The following RNASEH2B variants were observed in gnomAD, a reference collection of about 807,000 sequenced individuals.
RNASEH2B encodes ribonuclease H2 subunit B, also known as Aicardi-Goutieres syndrome 2 protein.
Under a neutral mutation model 45.0 loss-of-function variants are expected in RNASEH2B, and 36 were observed. That is an observed-to-expected ratio of 0.80 (90% confidence interval 0.61 to 1.06). RNASEH2B has a LOEUF of 1.06. Among genes scored for constraint, RNASEH2B ranks in the 50% least tolerant of loss-of-function variants. The pLI is 0.00. For missense variants in RNASEH2B, 361 were observed against 360.3 expected (o/e 1.00, Z -0.02); for synonymous variants, 119 against 125.7 (o/e 0.95, Z 0.35).
At chr13:50,956,779 CT>C, downstream of RNASEH2B, 1 of 1,057,490 alleles carries the variant, frequency 9.5e-7, no homozygotes, top group Non-Finnish European at 1.2e-6. Flanking sequence ...TGTATGACTG[CT>C]TTTTAATGCA....
chr13:50,951,266 G>A (rs745736881), intron 9 of RNASEH2B: 8 of 152,172 alleles, frequency 5.3e-5, no homozygotes, highest in Non-Finnish European at 1.0e-4. Flanking sequence ...AACAAGCGTA[G>A]AACATATCTT....
chr13:50,943,820 T>C (rs1951862824), intron 6 of RNASEH2B, among the ~76,000 whole-genome samples: 1 of 152,192 alleles, frequency 6.6e-6, no homozygotes, highest in Admixed American at 6.5e-5. Flanking sequence ...AGGAAGTATG[T>C]CCTGCTCTCA....
chr13:50,932,574 A>C (rs1226497915), intron 4 of RNASEH2B, among the ~76,000 whole-genome samples: 1 of 152,228 alleles, frequency 6.6e-6, no homozygotes, highest in African/African-American at 2.4e-5. Context: ...ATCTGTGCAG[A>C]TGTCCACACA....
intron 8 of RNASEH2B, 172 bp from the exon 9 acceptor site, chr13:50,949,291 A>G: frequency 1.6e-6 from 1 of 625,004 alleles, no homozygotes; most frequent in South Asian, 2.0e-5. Flanking sequence ...ATAAAGACTC[A>G]TTTATTGAGA....
chr13:50,947,207 A>T (rs1206342701), intron 7 of RNASEH2B, among the ~76,000 whole-genome samples: 1 of 152,160 alleles, frequency 6.6e-6, no homozygotes, highest in Admixed American at 6.6e-5. Context: ...CTTGTATTCT[A>T]CATAAAATAC....
intron 10 of RNASEH2B, chr13:50,955,636 G>A (rs1593481277): frequency 6.6e-6 from 1 of 152,236 alleles, no homozygotes; most frequent in Non-Finnish European, 1.5e-5. Flanking sequence ...TTCCCAGGGA[G>A]ACAGGTGATT....
At chr13:50,915,749 T>C (rs572721225) in intron 1 of RNASEH2B, among the ~76,000 whole-genome samples, 42 of 152,310 alleles carry the variant, frequency 2.8e-4, no homozygotes, top group Non-Finnish European at 4.6e-4. Flanking sequence ...GATGACTGTT[T>C]GCTAAAGCAG....
rs571566229 is a variant in RNASEH2B at position 50,910,115 on chromosome 13, C to T, written c.39C>T (p.Ala13=). 6.9e-6 allele frequency: 10 copies of T among 1,459,328 alleles called. No homozygotes were observed. Among genetic ancestry groups the T allele is most frequent in the Non-Finnish European group, 9.0e-6 (10 of 1,107,626 alleles). 90.4% of individuals were successfully genotyped at this position (1,459,328 alleles called of 1,614,324 possible). Residue 13 remains alanine, a synonymous_variant, in exon 1 of 11, where the codon GCC becomes GCT. Transcript: ENST00000336617. ...AGVDCGDGVG[A]RQHVFLVSEY... ...TGGACTGCGGGGACGGGGTTGGCGC[C>T]CGGCAGCACGTGTTCCTGGTTTCAG... is the stretch of plus-strand genomic sequence containing the variant.
chr13:50,921,648 T>G (rs1455890237), intron 1 of RNASEH2B, among the ~76,000 whole-genome samples: 2 of 152,198 alleles, frequency 1.3e-5, no homozygotes, highest in Non-Finnish European at 2.9e-5. Flanking sequence ...TCAGAAATAT[T>G]ATAGTAAATG....
chr13:50,928,849 G>A (rs2137929775), intron 2 of RNASEH2B, among the ~76,000 whole-genome samples: 1 of 149,562 alleles, frequency 6.7e-6, no homozygotes, highest in Admixed American at 6.7e-5. Context: ...TTGTGCTGTG[G>A]TTAAAAAAAA....
intron 4 of RNASEH2B, among the ~76,000 whole-genome samples, chr13:50,931,142 A>T (rs1272750034): frequency 1.3e-5 from 2 of 152,216 alleles, no homozygotes; most frequent in Non-Finnish European, 2.9e-5. Flanking sequence ...TTCTTTAGTG[A>T]GAGACTGTGG....
intron 1 of RNASEH2B, chr13:50,910,631 G>T (rs1879321121): frequency 6.5e-6 from 1 of 153,440 alleles, no homozygotes. Flanking sequence ...TGGGAGTCGC[G>T]GTTAGGCCAA....
intron 6 of RNASEH2B, among the ~76,000 whole-genome samples, chr13:50,944,532 A>G (rs898500559): frequency 2.2e-4 from 34 of 152,178 alleles, no homozygotes; most frequent in African/African-American, 8.0e-4. Context: ...TGATGGGTTG[A>G]TGGGTGCAGC....
intron 5 of RNASEH2B, 31 bp downstream of exon 5, chr13:50,935,030 T>A (rs759455109): frequency 7.1e-7 from 1 of 1,410,832 alleles, no homozygotes; most frequent in Non-Finnish European, 1.0e-6. Flanking sequence ...TTATGGCTGG[T>A]AGAAAGGATG....
At chr13:50,965,049 G>T (rs1012756692) in intron 9 of RNASEH2B, among the ~76,000 whole-genome samples, 2 of 152,170 alleles carry the variant, frequency 1.3e-5, no homozygotes, top group Non-Finnish European at 2.9e-5. Flanking sequence ...CACAGCAATG[G>T]TTTGATTGAT....
At chr13:50,927,990 C>CT (rs879584514) in intron 2 of RNASEH2B, among the ~76,000 whole-genome samples, 139 of 143,006 alleles carry the variant, frequency 9.7e-4, no homozygotes, top group African/African-American at 1.7e-3. Context: ...CGTCAGGGGA[C>CT]TTTTTTTTTT....
At chr13:50,932,142 G>A in intron 4 of RNASEH2B, among the ~76,000 whole-genome samples, 1 of 152,162 alleles carries the variant, frequency 6.6e-6, no homozygotes, top group East Asian at 1.9e-4. Flanking sequence ...CCCGTGAAAT[G>A]ACAGGCTCAC....
chr13:50,931,650 A>G lies in RNASEH2B; in HGVS notation c.321+891A>G, dbSNP rs1227310807. 4.6e-5 allele frequency among the ~76,000 whole-genome samples: 7 copies of G among 152,324 alleles called. No individual in the cohort carries two copies. The East Asian group carries it at 9.6e-4, about 21-fold the overall frequency. On this transcript the variant is annotated intron_variant, in intron 4 of 10. Transcript: ENST00000336617. The stretch of plus-strand genomic sequence containing the variant: ...GATTATATGAAAAATATGCGGCCCC[A>G]TACATCTTTGTAGTTAGAAAAGGAA...
intron 5 of RNASEH2B, chr13:50,936,810 C>T (rs1443507754): frequency 6.6e-6 from 1 of 152,192 alleles, no homozygotes; most frequent in East Asian, 1.9e-4. Context: ...TGTTTCCTTA[C>T]AGTCTGCAGC....
Sources: gnomAD v4.1 joint callset for allele counts (sites outside exome capture counted in the v4.1 genomes callset) on GRCh38, gnomAD v4.1.1 for gene constraint, MANE v1.5 for transcripts, NCBI Gene and HGNC (gene_info 2026-07-23, HGNC 2026-07-21) for gene names.